Variants in FAAH observed in about 807,000 individuals in gnomAD.
FAAH encodes the protein fatty-acid amide hydrolase 1.
Under a neutral mutation model 69.7 loss-of-function variants are expected in FAAH, and 63 were observed. That is an observed-to-expected ratio of 0.90 (90% confidence interval 0.74 to 1.12). The LOEUF is 1.12. FAAH is among the 50% of genes most tolerant of loss of function. The probability of loss-of-function intolerance (pLI) is 0.00; values close to 1 mark genes in which losing one functional copy is unlikely to be tolerated. For missense variants in FAAH, 680 were observed against 755.0 expected (o/e 0.90, Z 1.16); for synonymous variants, 305 against 324.2 (o/e 0.94, Z 0.64).
rs1408690543 is a variant in FAAH, at chr1:46,405,176, C to T, written c.444+28C>T. 1.9e-6 allele frequency: 3 copies of T among 1,613,542 alleles called. No homozygotes were observed. Among genetic ancestry groups the T allele is most frequent in the Non-Finnish European group, 2.5e-6 (3 of 1,180,046 alleles). On this transcript the variant is annotated intron_variant, in intron 3 of 14. Transcript: ENST00000243167. The surrounding 1 kb of genome is among the most constrained non-coding windows in gnomAD (Gnocchi z 4.1). ...ATGCTCTGCCTCAGCGCCAGGCCTCCATCGTCCCCTCCATCCCTGCCAGCC... is the reference window on the plus strand; with the variant it reads ...ATGCTCTGCCTCAGCGCCAGGCCTCTATCGTCCCCTCCATCCCTGCCAGCC...
intron 1 of FAAH, among the ~76,000 whole-genome samples, chr1:46,401,463 C>G (rs1569810477): frequency 6.6e-6 from 1 of 152,066 alleles, no homozygotes; most frequent in African/African-American, 2.4e-5. Flanking sequence ...TTGGGTGTGG[C>G]CTTCAGTCAC....
In FAAH at chr1:46,405,858, C is replaced by T. The variant is rs991980853; in HGVS notation, c.785+64C>T. On this transcript the variant is annotated intron_variant, in intron 5 of 14. Coordinates refer to ENST00000243167, the MANE Select transcript of FAAH (RefSeq NM_001441.3). This position sits in a 1 kb window ranked among gnomAD's most constrained non-coding sequence, Gnocchi z 4.1. ...GTGACCTTGGCCTAGCTTCCAACCTCTCTGGGCTCCAGGCGGGGATTCGGT... is the reference window on the plus strand; with the variant it reads ...GTGACCTTGGCCTAGCTTCCAACCTTTCTGGGCTCCAGGCGGGGATTCGGT... 99 of 1,607,428 alleles carry T rather than the reference C, an allele frequency of 6.2e-5. No individual in the cohort carries two copies. The highest frequency in any genetic ancestry group is 8.1e-5 in the Non-Finnish European group (95 of 1,177,262).
intron 7 of FAAH, among the ~76,000 whole-genome samples, chr1:46,407,050 G>A (rs1664812765): frequency 6.6e-6 from 1 of 151,746 alleles, no homozygotes; most frequent in Non-Finnish European, 1.5e-5. Context: ...ACGCCACGCT[G>A]CCTGCAGACC....
In FAAH at chr1:46,412,324, A is replaced by G. The variant is rs1664932312; in HGVS notation, c.1465+73A>G. On this transcript the variant is annotated intron_variant, in intron 13 of 14. Transcript: ENST00000243167. ...CCCTGCAGGGCTGCGAGGAAATGGAAGAAGAGCCCTCTGGGAGGACCCTGC... is the reference window on the plus strand; with the variant it reads ...CCCTGCAGGGCTGCGAGGAAATGGAGGAAGAGCCCTCTGGGAGGACCCTGC... The G allele has an allele frequency of 3.8e-6, 5 of 1,301,034 alleles. No homozygotes were observed. In the East Asian group the frequency reaches 1.3e-4, roughly 33 times the overall value. 80.6% of individuals were successfully genotyped at this position (1,301,034 alleles called of 1,614,324 possible).
At chr1:46,407,649 G>A (rs1001760314) in intron 7 of FAAH, among the ~76,000 whole-genome samples, 1 of 152,130 alleles carries the variant, frequency 6.6e-6, no homozygotes, top group Admixed American at 6.6e-5. Flanking sequence ...AAACAGCCAG[G>A]TTGAGGCTGG....
Position 46,410,272 on chromosome 1 carries a change from G to C in FAAH, c.1176-126G>C, listed in dbSNP as rs1664887066. ...CAAACGGCATGTTTGGAAGGAGGGA[G>C]CTGAGTCTGGTGAGGAGGAGGTGGA... On this transcript the variant is annotated intron_variant, in intron 9 of 14. Coordinates refer to ENST00000243167, the MANE Select transcript of FAAH (RefSeq NM_001441.3). This position sits in a 1 kb window ranked among gnomAD's most constrained non-coding sequence, Gnocchi z 4.9. The C allele has an allele frequency of 2.5e-6, 2 of 788,998 alleles. No individual in the cohort carries two copies. Among genetic ancestry groups the C allele is most frequent in the Non-Finnish European group, 4.5e-6 (2 of 440,300 alleles). The allele number at this position is 788,998 out of a possible 1,614,324, so 48.9% of individuals were successfully genotyped here.
chr1:46,406,291 CTG>C lies in FAAH; in HGVS notation c.877_878del (p.Cys293ProfsTer7). 3 of 1,613,844 alleles carry C rather than the reference CTG, an allele frequency of 1.9e-6. No individual in the cohort carries two copies. The highest frequency in any genetic ancestry group is 2.5e-6 in the Non-Finnish European group (3 of 1,179,834). On this transcript the variant is annotated frameshift_variant, in exon 7 of 15. Transcript: ENST00000243167. LOFTEE classifies it high-confidence loss of function. ...PMARDVESLA[L>X]CLRALLCEDM... Reference sequence around the variant, plus strand: ...GGCCCGGGACGTGGAGAGCCTGGCACTGTGCCTGCGAGCCCTGCTGTGTGAGG... The same window carrying C: ...GGCCCGGGACGTGGAGAGCCTGGCACTGCCTGCGAGCCCTGCTGTGTGAGG...
intron 1 of FAAH, among the ~76,000 whole-genome samples, chr1:46,396,852 C>T (rs1557755858): frequency 2.6e-5 from 4 of 152,194 alleles, no homozygotes; most frequent in South Asian, 2.1e-4. Flanking sequence ...ACATGTGTTG[C>T]GGTTTTGGCT....
chr1:46,412,122 G>A, intron 12 of FAAH, 21 bp from the exon 13 acceptor site: 2 of 1,548,688 alleles, frequency 1.3e-6, no homozygotes, highest in Non-Finnish European at 1.7e-6. Flanking sequence ...GCTTTCACCT[G>A]GTGTGTTGTG....
At chr1:46,409,392 G>C (rs902963447) in intron 9 of FAAH, 194 bp downstream of exon 9, 2 of 617,638 alleles carry the variant, frequency 3.2e-6, no homozygotes, top group Non-Finnish European at 6.0e-6. Flanking sequence ...GTGCCAGCCC[G>C]AGGGGAGGCT....
Position 46,405,004 on chromosome 1 carries a change from C to T in FAAH, c.310-10C>T. The T allele has an allele frequency of 6.2e-7, 1 of 1,614,042 alleles. No homozygotes were observed. The highest frequency in any genetic ancestry group is 8.5e-7 in the Non-Finnish European group (1 of 1,180,032). ...CTCCTTTTATCTTATGTCTACTTCC[C>T]CTTCCTCAGGCCTGGGAAGTGAACA... On this transcript the variant is annotated splice_polypyrimidine_tract_variant and intron_variant, in intron 2 of 14. Transcript: ENST00000243167. This position sits in a 1 kb window ranked among gnomAD's most constrained non-coding sequence, Gnocchi z 4.1.
chr1:46,413,125 G>T lies in FAAH; in HGVS notation c.1516G>T (p.Val506Leu). The change falls in exon 14 of 15, where the codon GTG becomes TTG. Residue 506 changes from valine (V) to leucine (L), a missense_variant. Physicochemically the swap from Val to Leu is conservative, Grantham distance 32. Coordinates refer to ENST00000243167, the MANE Select transcript of FAAH (RefSeq NM_001441.3). ...CAACTGCCTGGACTTCCCTGCAGGG[G>T]TGGTGCCTGTCACCACGGTGACTGC... The part of the protein sequence containing the change: ...LYNCLDFPAG[V>L]VPVTTVTAED... The T allele has an allele frequency of 3.7e-6, 6 of 1,614,200 alleles. No individual in the cohort carries two copies. The highest frequency in any genetic ancestry group is 4.2e-6 in the Non-Finnish European group (5 of 1,180,022).
chr1:46,408,360 C>A, intron 7 of FAAH, 99 bp from the exon 8 acceptor site: 1 of 1,541,782 alleles, frequency 6.5e-7, no homozygotes, highest in Non-Finnish European at 8.9e-7. Flanking sequence ...TGCAGCCTCG[C>A]AGCTGTGTCT....
intron 1 of FAAH, among the ~76,000 whole-genome samples, 155 bp downstream of exon 1, chr1:46,394,698 C>G (rs891520360): frequency 6.6e-6 from 1 of 152,260 alleles, no homozygotes; most frequent in Non-Finnish European, 1.5e-5. Context: ...TCCGCACTTT[C>G]TGAGCCAGGT....
chr1:46,408,946 G>A (rs1321054018), intron 8 of FAAH, among the ~76,000 whole-genome samples, 155 bp from the exon 9 acceptor site: 1 of 152,184 alleles, frequency 6.6e-6, no homozygotes, highest in Non-Finnish European at 1.5e-5. Flanking sequence ...TCCACAGTGA[G>A]TTTTCATGGG....
chr1:46,405,434 A>G lies in FAAH; in HGVS notation c.507A>G (p.Val169=), dbSNP rs752711323. 1 of 1,593,388 alleles carries G rather than the reference A, an allele frequency of 6.3e-7. No homozygotes were observed. The highest frequency in any genetic ancestry group is 1.7e-5 in the Admixed American group (1 of 57,952). The part of the protein sequence containing the change: ...NEGVPAECDS[V]VVHVLKLQGA... ...GGGTGCCGGCGGAGTGCGACAGCGT[A>G]GTGGTGCATGTGCTGAAGCTGCAGG... The change falls in exon 4 of 15, where the codon GTA becomes GTG. Residue 169 remains valine, a synonymous_variant. Transcript: ENST00000243167. The surrounding 1 kb of genome is among the most constrained non-coding windows in gnomAD (Gnocchi z 4.1).
rs75170991 is a variant in FAAH, at chr1:46,413,157, C to T, written c.1548C>T (p.Asp516=). 10 of 1,614,140 alleles carry T rather than the reference C, an allele frequency of 6.2e-6. No individual in the cohort carries two copies. In the East Asian group the frequency reaches 8.9e-5, roughly 14 times the overall value. ...VVPVTTVTAE[D]EAQMEHYRGY... ...CTGTCACCACGGTGACTGCTGAGGA[C>T]GAGGCCCAGATGGAACATTACAGGG... Residue 516 remains aspartate, a synonymous_variant, in exon 14 of 15, where the codon GAC becomes GAT. Coordinates refer to ENST00000243167, the MANE Select transcript of FAAH (RefSeq NM_001441.3).
Position 46,410,298 on chromosome 1 carries a change from C to A in FAAH, c.1176-100C>A. ...CTGAGTCTGGTGAGGAGGAGGTGGACAGGATCCCTGCATAGAGAATGGGAT... is the reference window on the plus strand; with the variant it reads ...CTGAGTCTGGTGAGGAGGAGGTGGAAAGGATCCCTGCATAGAGAATGGGAT... On this transcript the variant is annotated intron_variant, in intron 9 of 14. Coordinates refer to ENST00000243167, the MANE Select transcript of FAAH (RefSeq NM_001441.3). The surrounding 1 kb of genome is among the most constrained non-coding windows in gnomAD (Gnocchi z 4.9). 2.2e-6 allele frequency: 2 copies of A among 902,090 alleles called. No homozygotes were observed. Among genetic ancestry groups the A allele is most frequent in the Non-Finnish European group, 3.7e-6 (2 of 533,968 alleles). 55.9% of individuals were successfully genotyped at this position (902,090 alleles called of 1,614,324 possible).
chr1:46,406,473 C>T, intron 7 of FAAH, 105 bp downstream of exon 7: 1 of 1,537,396 alleles, frequency 6.5e-7, no homozygotes, highest in Non-Finnish European at 8.9e-7. Flanking sequence ...AACCGTCCCC[C>T]AGGCCTCTGA....
Sources: allele counts gnomAD v4.1 joint callset (sites outside exome capture counted in the v4.1 genomes callset), GRCh38; gene constraint gnomAD v4.1.1; non-coding constraint Gnocchi (gnomAD v3.1); transcripts MANE v1.5; gene names NCBI Gene and HGNC (gene_info 2026-07-23, HGNC 2026-07-21).